The following MFSD6 variants were observed in gnomAD, a reference collection of about 807,000 sequenced individuals.
MFSD6 encodes the protein major facilitator superfamily domain-containing protein 6.
Under a neutral mutation model 56.3 loss-of-function variants are expected in MFSD6, and 26 were observed. The observed-to-expected ratio is 0.46, with a 90% CI of 0.34 to 0.64. The LOEUF (loss-of-function observed/expected upper bound fraction) is 0.64, where lower values mean the gene tolerates loss of function less well. MFSD6 is among the 30% of genes least tolerant of loss of function. MFSD6 has a pLI of 0.01. For missense variants in MFSD6, 750 were observed against 986.2 expected (o/e 0.76, Z 3.21); for synonymous variants, 331 against 366.9 (o/e 0.90, Z 1.12).
rs996874047 is a variant in MFSD6 at position 190,459,775 on chromosome 2, A to G, written c.1533-9983A>G. On this transcript the variant is annotated intron_variant, in intron 3 of 7. Transcript: ENST00000392328. The surrounding 1 kb of genome is among the most constrained non-coding windows in gnomAD (Gnocchi z 5.3). ...TTTTAGAGGGAAGAATCTGAACACA[A>G]CAAAATGATTTCCAGCTAGTAGAGA... Among the ~76,000 whole-genome samples, 3 of 152,264 alleles carry G rather than the reference A, an allele frequency of 2.0e-5. No homozygotes were observed. Among genetic ancestry groups the G allele is most frequent in the Non-Finnish European group, 4.4e-5 (3 of 68,050 alleles).
At chr2:190,452,088 T>C (rs913183452) in intron 3 of MFSD6, among the ~76,000 whole-genome samples, 11 of 152,104 alleles carry the variant, frequency 7.2e-5, no homozygotes, top group South Asian at 4.1e-4. Flanking sequence ...GTTTTTTTTT[T>C]CAGCAACTTC....
intron 2 of MFSD6, among the ~76,000 whole-genome samples, chr2:190,427,520 A>G (rs1444329966): frequency 6.6e-6 from 1 of 152,156 alleles, no homozygotes; most frequent in East Asian, 1.9e-4. Context: ...ATCTTCACCC[A>G]TCAGTATTTC....
chr2:190,475,062 T>C (rs1688208138), intron 4 of MFSD6, among the ~76,000 whole-genome samples: 1 of 152,094 alleles, frequency 6.6e-6, no homozygotes, highest in South Asian at 2.1e-4. Context: ...ATGGGACATA[T>C]CTCAAAATAA....
At position 190,492,050 on chromosome 2, in the gene MFSD6, G is replaced by A. The variant is rs1689392966; in HGVS notation, c.1891+2184G>A. ...TCTCAGCAACAGAATCGAAGAAGCA[G>A]AAGAAAGAACTTCAGAGCTCAAAGA... On this transcript the variant is annotated intron_variant, in intron 6 of 7. Coordinates refer to ENST00000392328, the MANE Select transcript of MFSD6 (RefSeq NM_017694.4). The surrounding 1 kb of genome is among the most constrained non-coding windows in gnomAD (Gnocchi z 5.2). Among the ~76,000 whole-genome samples, 1 of 152,148 alleles carries A rather than the reference G, an allele frequency of 6.6e-6. No individual in the cohort carries two copies. Among genetic ancestry groups the A allele is most frequent in the Admixed American group, 6.5e-5 (1 of 15,280 alleles).
In MFSD6 at chr2:190,439,643, T is replaced by C. The variant is rs149660530; in HGVS notation, c.1532+2082T>C. ...AGTTACTCATCATTTCAAAATTCAC[T>C]TAACCTTAATTTTCTGGTTTTTACG... On this transcript the variant is annotated intron_variant, in intron 3 of 7. Transcript: ENST00000392328. This position sits in a 1 kb window ranked among gnomAD's most constrained non-coding sequence, Gnocchi z 5.8. Among the ~76,000 whole-genome samples, 1 of 152,226 alleles carries C rather than the reference T, an allele frequency of 6.6e-6. No individual in the cohort carries two copies. The highest frequency in any genetic ancestry group is 2.4e-5 in the African/African-American group (1 of 41,456).
intron 3 of MFSD6, among the ~76,000 whole-genome samples, chr2:190,450,142 G>A (rs945859013): frequency 6.6e-6 from 1 of 152,102 alleles, no homozygotes. Flanking sequence ...CAGCTGTTTC[G>A]TTATCTTGAG....
In MFSD6 at chr2:190,481,281, CTTTT is replaced by C. The variant is rs1278080209; in HGVS notation, c.1631-7372_1631-7369del. ...AGAACATTGTTACATCAGTTATAGA[CTTTT>C]TTTAAGCAACTCATATATTTTTTTA... is the stretch of plus-strand genomic sequence containing the variant. On this transcript the variant is annotated intron_variant, in intron 4 of 7. Transcript: ENST00000392328. Among the ~76,000 whole-genome samples, 3 of 152,286 alleles carry C rather than the reference CTTTT, an allele frequency of 2.0e-5. No homozygotes were observed. The East Asian group carries it at 5.8e-4, about 29-fold the overall frequency.
In MFSD6 at chr2:190,461,796, C is replaced by T. The variant is rs1191134554; in HGVS notation, c.1533-7962C>T. 6.6e-6 allele frequency among the ~76,000 whole-genome samples: 1 copy of T among 152,150 alleles called. No homozygotes were observed. Among genetic ancestry groups the T allele is most frequent in the Non-Finnish European group, 1.5e-5 (1 of 68,028 alleles). ...CAACATATGAATTTTGGAGGGTATA[C>T]AGACATTTAAACTGTAGTATCTACA... On this transcript the variant is annotated intron_variant, in intron 3 of 7. Transcript: ENST00000392328. This position sits in a 1 kb window ranked among gnomAD's most constrained non-coding sequence, Gnocchi z 5.5.
intron 2 of MFSD6, among the ~76,000 whole-genome samples, chr2:190,422,915 T>C (rs769304505): frequency 5.9e-5 from 9 of 152,162 alleles, no homozygotes; most frequent in Non-Finnish European, 1.2e-4. Context: ...TTAAGTTCTT[T>C]TGTTGTAGAA....
chr2:190,428,310 T>C (rs113620599), intron 2 of MFSD6, among the ~76,000 whole-genome samples: 5 of 152,318 alleles, frequency 3.3e-5, no homozygotes, highest in African/African-American at 1.2e-4. Context: ...TGTTTATAGA[T>C]GTCTTTCGGT....
In MFSD6 at chr2:190,465,250, A is replaced by G. The variant is rs1687541162; in HGVS notation, c.1533-4508A>G. On this transcript the variant is annotated intron_variant, in intron 3 of 7. Coordinates refer to ENST00000392328, the MANE Select transcript of MFSD6 (RefSeq NM_017694.4). The surrounding 1 kb of genome is among the most constrained non-coding windows in gnomAD (Gnocchi z 4.6). The stretch of plus-strand genomic sequence containing the variant: ...TCTGCTGCATCATTTGCTTCTTATC[A>G]ATTGTGTTCCTCTTTATAGATAACT... Among the ~76,000 whole-genome samples, 1 of 152,066 alleles carries G rather than the reference A, an allele frequency of 6.6e-6. No individual in the cohort carries two copies. Among genetic ancestry groups the G allele is most frequent in the Non-Finnish European group, 1.5e-5 (1 of 68,012 alleles).
rs150345541 is a variant in MFSD6 at position 190,436,227 on chromosome 2, C to G, written c.198C>G (p.Asn66Lys). ...WIEKHCVKIN[N>K]DLLISKVFYF... ...AGAAACATTGTGTTAAGATAAACAA[C>G]GATCTTCTAATTTCCAAGGTCTTTT... is the stretch of plus-strand genomic sequence containing the variant. Residue 66 changes from asparagine (N) to lysine (K), a missense_variant, in exon 3 of 8, where the codon AAC becomes AAG. Physicochemically the swap from Asn to Lys is moderately conservative, Grantham distance 94 (BLOSUM62 0). Coordinates refer to ENST00000392328, the MANE Select transcript of MFSD6 (RefSeq NM_017694.4). This position sits in a 1 kb window ranked among gnomAD's most constrained non-coding sequence, Gnocchi z 5.3. 3.7e-6 allele frequency: 6 copies of G among 1,614,028 alleles called. No homozygotes were observed. In the South Asian group the frequency reaches 6.6e-5, roughly 18 times the overall value.
In MFSD6 at chr2:190,437,661, G is replaced by T. The variant is rs553336243; in HGVS notation, c.1532+100G>T. ...ACAATTTTAAGGTATTATAATTTGTGTTGAGGATAGGGTTGGAGTGGAAAT... is the reference window on the plus strand; with the variant it reads ...ACAATTTTAAGGTATTATAATTTGTTTTGAGGATAGGGTTGGAGTGGAAAT... On this transcript the variant is annotated intron_variant, in intron 3 of 7. Transcript: ENST00000392328. The surrounding 1 kb of genome is among the most constrained non-coding windows in gnomAD (Gnocchi z 5.9). 9.4e-6 allele frequency: 13 copies of T among 1,377,822 alleles called. No homozygotes were observed. The Admixed American group carries it at 1.7e-4, about 18-fold the overall frequency. 85.3% of individuals were successfully genotyped at this position (1,377,822 alleles called of 1,614,324 possible). A position where few individuals can be genotyped will look rare whatever the true frequency, so the allele number is the denominator to read the frequency against.
chr2:190,464,403 A>T (rs1687490227), intron 3 of MFSD6, among the ~76,000 whole-genome samples: 1 of 152,124 alleles, frequency 6.6e-6, no homozygotes, highest in Non-Finnish European at 1.5e-5. Context: ...GGCATTGTAG[A>T]ATAACTCCAC....
Position 190,434,410 on chromosome 2 carries a change from A to G in MFSD6, c.-53-1567A>G, listed in dbSNP as rs146703658. Among the ~76,000 whole-genome samples, 1,146 of 152,258 alleles carry G rather than the reference A, an allele frequency of 7.5e-3. 17 individuals carry two copies. Among genetic ancestry groups the G allele is most frequent in the Non-Finnish European group, 7.9e-3 (536 of 68,030 alleles). ...TATAAATGTATATTGCTAATATCGTATATGAAAAACATTTATTTATTTTAT... is the reference window on the plus strand; with the variant it reads ...TATAAATGTATATTGCTAATATCGTGTATGAAAAACATTTATTTATTTTAT... On this transcript the variant is annotated intron_variant, in intron 2 of 7. Coordinates refer to ENST00000392328, the MANE Select transcript of MFSD6 (RefSeq NM_017694.4). This position sits in a 1 kb window ranked among gnomAD's most constrained non-coding sequence, Gnocchi z 4.3.
At chr2:190,478,116 G>T (rs1688447052) in intron 4 of MFSD6, among the ~76,000 whole-genome samples, 1 of 152,160 alleles carries the variant, frequency 6.6e-6, no homozygotes, top group African/African-American at 2.4e-5. Context: ...CCAGGATTTA[G>T]GGAGCTGGCC....
chr2:190,468,453 A>ATTT (rs139847075), intron 3 of MFSD6, among the ~76,000 whole-genome samples: 18 of 140,030 alleles, frequency 1.3e-4, no homozygotes, highest in African/African-American at 1.8e-4. Flanking sequence ...ATAGGAATGA[A>ATTT]TTTTTTTTTT....
At chr2:190,446,374 G>C (rs780594643) in intron 3 of MFSD6, among the ~76,000 whole-genome samples, 1 of 152,188 alleles carries the variant, frequency 6.6e-6, no homozygotes, top group African/African-American at 2.4e-5. Flanking sequence ...CTGCCTGCCA[G>C]AGTGTTCTGT....
chr2:190,419,888 A>G (rs1032257238), intron 2 of MFSD6, among the ~76,000 whole-genome samples: 1 of 152,224 alleles, frequency 6.6e-6, no homozygotes, highest in Non-Finnish European at 1.5e-5. Context: ...ATTGATTACT[A>G]TCATTAGACT....
Sources: gnomAD v4.1 joint callset for allele counts (sites outside exome capture counted in the v4.1 genomes callset) on GRCh38, gnomAD v4.1.1 for gene constraint, Gnocchi (gnomAD v3.1) non-coding constraint, MANE v1.5 for transcripts, NCBI Gene and HGNC (gene_info 2026-07-23, HGNC 2026-07-21) for gene names.